TEAD1: variants seen among roughly 807,000 people sequenced by gnomAD.
The protein encoded by TEAD1 is TEA domain transcription factor 1.
In TEAD1, 9 loss-of-function variants were observed where a neutral mutation model predicts 54.9. The observed-to-expected ratio is 0.16, with a 90% CI of 0.10 to 0.29. The LOEUF is 0.29. Ranked by LOEUF, TEAD1 falls within the 10% of genes least tolerant of loss-of-function variation. The pLI is 1.00. For synonymous variants in TEAD1, 200 were observed against 187.8 expected, an observed-to-expected ratio of 1.07 and a Z score of -0.53; for missense variants, 387 against 535.9, an observed-to-expected ratio of 0.72 and a Z score of 2.74.
chr11:12,702,091 C>T (rs976458678), intron 2 of TEAD1, among the ~76,000 whole-genome samples: 4 of 152,180 alleles, frequency 2.6e-5, no homozygotes, highest in Non-Finnish European at 5.9e-5. Flanking sequence ...ATAGAGCCAA[C>T]TGATGTTACT....
chr11:12,778,529 CTTTTTTTT>C (rs775536398), intron 3 of TEAD1, among the ~76,000 whole-genome samples: 18 of 125,804 alleles, frequency 1.4e-4, no homozygotes, highest in South Asian at 7.7e-4. Context: ...TCATCAGACT[CTTTTTTTT>C]TTTTTTTTTT....
intron 2 of TEAD1, among the ~76,000 whole-genome samples, chr11:12,679,086 G>A (rs1173408871): frequency 6.6e-6 from 1 of 152,088 alleles, no homozygotes; most frequent in Non-Finnish European, 1.5e-5. Flanking sequence ...TTGGCTAACT[G>A]TGAAACTCAC....
chr11:12,811,161 TAGA>T (rs1195532605), intron 3 of TEAD1, among the ~76,000 whole-genome samples: 1 of 152,160 alleles, frequency 6.6e-6, no homozygotes, highest in African/African-American at 2.4e-5. Context: ...TCCAGTGAGA[TAGA>T]GGAGATATCT....
chr11:12,694,830 T>A (rs113262329), intron 2 of TEAD1, among the ~76,000 whole-genome samples: 13 of 152,184 alleles, frequency 8.5e-5, no homozygotes, highest in African/African-American at 3.1e-4. Context: ...TAGGTTTATA[T>A]GGAGTCATTG....
At position 12,879,857 on chromosome 11, in the gene TEAD1, C is replaced by A. The variant is rs1209202304; in HGVS notation, c.465+15C>A. On this transcript the variant is annotated intron_variant, in intron 6 of 12. Coordinates refer to ENST00000527636, the MANE Select transcript of TEAD1 (RefSeq NM_021961.6). ...GGGCGCCGGGGGTAAGTCATGAGCTCAGTCCAGTAATGACAGCTGCTGGGG... is the reference window on the plus strand; with the variant it reads ...GGGCGCCGGGGGTAAGTCATGAGCTAAGTCCAGTAATGACAGCTGCTGGGG... The A allele has an allele frequency of 1.2e-6, 2 of 1,612,742 alleles. No individual in the cohort carries two copies. Among genetic ancestry groups the A allele is most frequent in the East Asian group, 4.5e-5 (2 of 44,874 alleles).
At chr11:12,758,635 T>C (rs905443746) in intron 2 of TEAD1, among the ~76,000 whole-genome samples, 2 of 152,018 alleles carry the variant, frequency 1.3e-5, no homozygotes, top group Admixed American at 6.6e-5. Context: ...AGGATGGTCT[T>C]GATCTCCTGA....
intron 3 of TEAD1, among the ~76,000 whole-genome samples, chr11:12,792,751 A>C (rs1388562937): frequency 6.6e-6 from 1 of 152,232 alleles, no homozygotes; most frequent in Non-Finnish European, 1.5e-5. Context: ...GTTATGGGCC[A>C]GGTCCCAAAA....
chr11:12,798,082 T>A (rs1019816435), intron 3 of TEAD1, among the ~76,000 whole-genome samples: 1 of 152,340 alleles, frequency 6.6e-6, no homozygotes, highest in East Asian at 1.9e-4. Context: ...TTTCCACTTT[T>A]ATGTTGCAGT....
intron 6 of TEAD1, among the ~76,000 whole-genome samples, chr11:12,880,317 A>G (rs553878039): frequency 7.2e-5 from 11 of 152,334 alleles, no homozygotes; most frequent in South Asian, 4.1e-4. Context: ...TATAATCTCA[A>G]TCCTCCAGGT....
chr11:12,825,060 G>C (rs945869242), intron 3 of TEAD1, among the ~76,000 whole-genome samples: 1 of 152,044 alleles, frequency 6.6e-6, no homozygotes, highest in African/African-American at 2.4e-5. Flanking sequence ...ATTTGTATGT[G>C]ATCATGGTTC....
chr11:12,756,879 C>G (rs1254581374), intron 2 of TEAD1, among the ~76,000 whole-genome samples: 1 of 152,198 alleles, frequency 6.6e-6, no homozygotes, highest in African/African-American at 2.4e-5. Context: ...ATGCCTGACA[C>G]CTAGTTCTGG....
chr11:12,809,219 C>T (rs896584623), intron 3 of TEAD1, among the ~76,000 whole-genome samples: 10 of 152,150 alleles, frequency 6.6e-5, no homozygotes, highest in Admixed American at 2.0e-4. Flanking sequence ...CACTCAGTGA[C>T]GGGGCCACTC....
At chr11:12,919,264 A>G (rs1948764610) in intron 10 of TEAD1, among the ~76,000 whole-genome samples, 1 of 151,718 alleles carries the variant, frequency 6.6e-6, no homozygotes, top group Admixed American at 6.6e-5. Context: ...AAGCTATATT[A>G]AAGTTGTTTG....
intron 3 of TEAD1, among the ~76,000 whole-genome samples, chr11:12,845,701 GC>G (rs1947132057): frequency 6.6e-6 from 1 of 152,222 alleles, no homozygotes; most frequent in African/African-American, 2.4e-5. Context: ...AGAACCACCT[GC>G]CCCTTTTAGC....
intron 9 of TEAD1, among the ~76,000 whole-genome samples, chr11:12,896,945 A>G (rs913191248): frequency 2.6e-5 from 4 of 152,116 alleles, no homozygotes; most frequent in African/African-American, 9.7e-5. Flanking sequence ...TACCTTTTCC[A>G]TCGTTGACCT....
chr11:12,720,353 A>C (rs1944167008), intron 2 of TEAD1, among the ~76,000 whole-genome samples: 4 of 152,166 alleles, frequency 2.6e-5, no homozygotes, highest in Admixed American at 2.6e-4. Context: ...GAACATATAG[A>C]TACATAGATA....
At chr11:12,794,402 A>G (rs1038565296) in intron 3 of TEAD1, among the ~76,000 whole-genome samples, 2 of 152,200 alleles carry the variant, frequency 1.3e-5, no homozygotes, top group Non-Finnish European at 1.5e-5. Context: ...AGTGAGAATA[A>G]ACTTTGTCTG....
intron 2 of TEAD1, among the ~76,000 whole-genome samples, chr11:12,676,022 C>T (rs1029375246): frequency 2.6e-5 from 4 of 152,132 alleles, no homozygotes; most frequent in African/African-American, 9.7e-5. Flanking sequence ...CCTCAGTGAG[C>T]CCTGGAAACT....
chr11:12,868,279 G>C (rs1383084673), intron 5 of TEAD1, among the ~76,000 whole-genome samples: 1 of 152,122 alleles, frequency 6.6e-6, no homozygotes, highest in East Asian at 1.9e-4. Flanking sequence ...CCTTAGTAAT[G>C]GCCTCTTAGG....
Sources: gnomAD v4.1 joint callset for allele counts (sites outside exome capture counted in the v4.1 genomes callset) on GRCh38, gnomAD v4.1.1 for gene constraint, MANE v1.5 for transcripts, NCBI Gene and HGNC (gene_info 2026-07-23, HGNC 2026-07-21) for gene names.